Variants in SALL4 observed in about 807,000 individuals in gnomAD.
SALL4 encodes spalt like transcription factor 4, also known as sal-like protein 4.
SALL4 carries 4 observed loss-of-function variants against 60.8 expected under a neutral mutation model. The observed-to-expected ratio is 0.07, with a 90% CI of 0.03 to 0.15. The LOEUF (loss-of-function observed/expected upper bound fraction) is 0.15, where lower values mean the gene tolerates loss of function less well. Ranked by LOEUF, SALL4 falls within the 10% of genes least tolerant of loss-of-function variation. The probability of loss-of-function intolerance (pLI) is 1.00; values close to 1 mark genes in which losing one functional copy is unlikely to be tolerated. For synonymous variants in SALL4, 580 were observed against 574.9 expected, an observed-to-expected ratio of 1.01 and a Z score of -0.13; for missense variants, 1,178 against 1,394.7, an observed-to-expected ratio of 0.84 and a Z score of 2.48.
rs779929335 is a variant in SALL4, at chr20:51,788,930, A to G, written c.2673T>C (p.Thr891=). The G allele has an allele frequency of 2.3e-5, 37 of 1,614,118 alleles. No individual in the cohort carries two copies. In the South Asian group the frequency reaches 4.1e-4, roughly 18 times the overall value. The part of the protein sequence containing the change: ...SASALQIHER[T]HTGEKPFVCN... ...ACACAAAAGGCTTCTCTCCAGTGTGAGTCCGCTCGTGGATCTGAAGAGCGC... is the reference window on the plus strand; with the variant it reads ...ACACAAAAGGCTTCTCTCCAGTGTGGGTCCGCTCGTGGATCTGAAGAGCGC... Residue 891 remains threonine (T), a synonymous_variant, in exon 3 of 4, where the codon ACT becomes ACC. Coordinates refer to ENST00000217086, the MANE Select transcript of SALL4 (RefSeq NM_020436.5). The surrounding 1 kb of genome is among the most constrained non-coding windows in gnomAD (Gnocchi z 4.1).
Position 51,790,046 on chromosome 20 carries a change from C to T in SALL4, c.2437G>A (p.Glu813Lys), listed in dbSNP as rs777197914. Reference protein sequence around the residue: ...PDAGSKAESSENSRTEMEGRS... With the variant: ...PDAGSKAESSKNSRTEMEGRS... ...CCTTCCATCTCAGTGCGGCTGTTCT[C>T]GGAGCTCTCTGCTTTGCTCCCAGCA... Residue 813 changes from glutamate to lysine, a missense_variant, in exon 2 of 4, where the codon GAG becomes AAG. This residue lies in a region of SALL4 where 853 missense variants were observed against 1,036.8 expected (regional missense o/e 0.82). Transcript: ENST00000217086. This position sits in a 1 kb window ranked among gnomAD's most constrained non-coding sequence, Gnocchi z 5.5. The T allele has an allele frequency of 1.1e-5, 17 of 1,614,150 alleles. No homozygotes were observed. Among genetic ancestry groups the T allele is most frequent in the South Asian group, 6.6e-5 (6 of 91,072 alleles).
At position 51,800,360 on chromosome 20, in the gene SALL4, G is replaced by A. The variant is rs560802669; in HGVS notation, c.130+1919C>T. Reference sequence around the variant, plus strand: ...GGGCGCCCGCGCGCAAGCCGGGTGGGCTGTCCGCGACAACCCTGGTGATCA... The same window carrying A: ...GGGCGCCCGCGCGCAAGCCGGGTGGACTGTCCGCGACAACCCTGGTGATCA... On this transcript the variant is annotated intron_variant, in intron 1 of 3. Transcript: ENST00000217086. Among the ~76,000 whole-genome samples, 14 of 152,322 alleles carry A rather than the reference G, an allele frequency of 9.2e-5. No individual in the cohort carries two copies. In the East Asian group the frequency reaches 2.5e-3, roughly 27 times the overall value.
At chr20:51,796,869 A>C (rs2078082697) in intron 1 of SALL4, among the ~76,000 whole-genome samples, 2 of 152,102 alleles carry the variant, frequency 1.3e-5, no homozygotes, top group Non-Finnish European at 2.9e-5. Flanking sequence ...CTAATATCAC[A>C]AACATATTAT....
chr20:51,784,358 G>T lies in SALL4; in HGVS notation c.3069C>A (p.Ile1023=), dbSNP rs376560016. 7 of 1,614,098 alleles carry T rather than the reference G, an allele frequency of 4.3e-6. No individual in the cohort carries two copies. The highest frequency in any genetic ancestry group is 1.3e-5 in the African/African-American group (1 of 74,942). The change falls in exon 4 of 4, where the codon ATC becomes ATA. Residue 1023 remains isoleucine (I), a synonymous_variant. Transcript: ENST00000217086. ...CACTTGGTTTTTCCACATCTGCACT[G>T]ATACCCGACTGGGAGCCATCCATCT... is the stretch of plus-strand genomic sequence containing the variant. ...VSKMDGSQSG[I]SADVEKPSAT...
Position 51,791,459 on chromosome 20 carries a change from C to T in SALL4, c.1024G>A (p.Val342Met). 6.2e-7 allele frequency: 1 copy of T among 1,614,156 alleles called. No individual in the cohort carries two copies. The highest frequency in any genetic ancestry group is 8.5e-7 in the Non-Finnish European group (1 of 1,180,008). The change falls in exon 2 of 4, where the codon GTG (valine) becomes ATG (methionine). Residue 342 changes from valine (V) to methionine (M), a missense_variant. Around this residue, in one of 5 missense-constraint regions of SALL4, gnomAD observed 853 missense variants for 1,036.8 expected, o/e 0.82. Transcript: ENST00000217086. This position sits in a 1 kb window ranked among gnomAD's most constrained non-coding sequence, Gnocchi z 4.6. Reference sequence around the variant, plus strand: ...GTGGAGAAAGGGCTCTGGAAGAGCACCGAGCCCGGGGCCTGAGGAAGCAAA... The same window carrying T: ...GTGGAGAAAGGGCTCTGGAAGAGCATCGAGCCCGGGGCCTGAGGAAGCAAA... ...SALLPQAPGS[V>M]LFQSPFSTVA...
intron 1 of SALL4, among the ~76,000 whole-genome samples, chr20:51,795,224 G>A (rs563919608): frequency 1.3e-4 from 20 of 152,168 alleles, no homozygotes; most frequent in Non-Finnish European, 2.6e-4. Context: ...TGGCTAACAC[G>A]GTGAAACTCC....
intron 1 of SALL4, among the ~76,000 whole-genome samples, chr20:51,799,286 C>G (rs1644486450): frequency 6.6e-6 from 1 of 152,044 alleles, no homozygotes; most frequent in African/African-American, 2.4e-5. Context: ...TCAGAAAAAA[C>G]AAAAAAACAG....
At position 51,802,337 on chromosome 20, in the gene SALL4, C is replaced by T; in HGVS notation, c.72G>A (p.Gln24=). 1 of 1,610,062 alleles carries T rather than the reference C, an allele frequency of 6.2e-7. No individual in the cohort carries two copies. The highest frequency in any genetic ancestry group is 8.5e-7 in the Non-Finnish European group (1 of 1,179,650). The change falls in exon 1 of 4, where the codon CAG becomes CAA. Residue 24 remains glutamine, a synonymous_variant. Transcript: ENST00000217086. ...CATCTGCAAACTCCGGGGTCTGCTG[C>T]TGCGGCTGCTGCTCGCCCTGGTCCT... ...SEEDQGEQQP[Q]QQTPEFADAA...
At position 51,785,933 on chromosome 20, in the gene SALL4, C is replaced by T. The variant is rs577630366; in HGVS notation, c.2743-1249G>A. 1.5e-4 allele frequency among the ~76,000 whole-genome samples: 22 copies of T among 151,710 alleles called. No individual in the cohort carries two copies. In the East Asian group the frequency reaches 2.0e-3, roughly 14 times the overall value. ...CTGGAATTACAGGCGTGAGCCACCA[C>T]GTCCGGCCTTTTTTTTGAGTCTTAA... is the stretch of plus-strand genomic sequence containing the variant. On this transcript the variant is annotated intron_variant, in intron 3 of 3. Transcript: ENST00000217086.
chr20:51,802,181 C>T, intron 1 of SALL4, 98 bp downstream of exon 1: 3 of 1,426,792 alleles, frequency 2.1e-6, no homozygotes, highest in Admixed American at 2.4e-5. Context: ...CCTGAATTTG[C>T]GCTGGACGCC....
Position 51,784,280 on chromosome 20 carries a change from C to A in SALL4, c.3147G>T (p.Lys1049Asn). 1 of 1,614,078 alleles carries A rather than the reference C, an allele frequency of 6.2e-7. No homozygotes were observed. Among genetic ancestry groups the A allele is most frequent in the Non-Finnish European group, 8.5e-7 (1 of 1,180,044 alleles). Residue 1049 changes from lysine to asparagine, a missense_variant, in exon 4 of 4, where the codon AAG becomes AAT. Around this residue, in one of 5 missense-constraint regions of SALL4, gnomAD observed 174 missense variants for 169.6 expected, o/e 1.03. Coordinates refer to ENST00000217086, the MANE Select transcript of SALL4 (RefSeq NM_020436.5). Reference protein sequence around the residue: ...HQFPHFLEENKIAVS With the variant: ...HQFPHFLEENNIAVS ...AAGTTCTCCCTTAGCTGACCGCAATCTTGTTTTCTTCCAGGAAGTGAGGAA... is the reference window on the plus strand; with the variant it reads ...AAGTTCTCCCTTAGCTGACCGCAATATTGTTTTCTTCCAGGAAGTGAGGAA...
At position 51,790,532 on chromosome 20, in the gene SALL4, C is replaced by T. The variant is rs763359245; in HGVS notation, c.1951G>A (p.Gly651Ser). 5 of 1,614,098 alleles carry T rather than the reference C, an allele frequency of 3.1e-6. No homozygotes were observed. The highest frequency in any genetic ancestry group is 4.5e-5 in the East Asian group (2 of 44,874). ...LQQHIRMHMG[G>S]QIPNTPLPEN... ...GGCAGGGGCGTGTTGGGAATCTGAC[C>T]GCCCATGTGCATCCGAATATGTTGC... is the stretch of plus-strand genomic sequence containing the variant. The change falls in exon 2 of 4, where the codon GGT becomes AGT. Residue 651 changes from glycine to serine, a missense_variant. This residue lies in a region of SALL4 where 853 missense variants were observed against 1,036.8 expected (regional missense o/e 0.82). Coordinates refer to ENST00000217086, the MANE Select transcript of SALL4 (RefSeq NM_020436.5). The surrounding 1 kb of genome is among the most constrained non-coding windows in gnomAD (Gnocchi z 5.5).
intron 1 of SALL4, among the ~76,000 whole-genome samples, chr20:51,800,536 AAAC>A (rs1228512526): frequency 6.6e-6 from 1 of 152,208 alleles, no homozygotes; most frequent in East Asian, 1.9e-4. Flanking sequence ...GAAAGGTGCC[AAAC>A]ACCACCAAAA....
In SALL4 at chr20:51,801,923, G is replaced by GC. The variant is rs984610333; in HGVS notation, c.130+355_130+356insG. 8.6e-5 allele frequency among the ~76,000 whole-genome samples: 13 copies of GC among 151,694 alleles called. No individual in the cohort carries two copies. The highest frequency in any genetic ancestry group is 1.5e-4 in the Non-Finnish European group (10 of 67,904). The stretch of plus-strand genomic sequence containing the variant: ...GGGAGGGGGACCTAAGTTACAAGGG[G>GC]GGGGGGTAACACCAGTGAGGGGAGT... On this transcript the variant is annotated intron_variant, in intron 1 of 3. Transcript: ENST00000217086. This position sits in a 1 kb window ranked among gnomAD's most constrained non-coding sequence, Gnocchi z 5.2.
rs1330269507 is a variant in SALL4 at position 51,788,886 on chromosome 20, G to T, written c.2717C>A (p.Ala906Asp). 1 of 1,614,046 alleles carries T rather than the reference G, an allele frequency of 6.2e-7. No individual in the cohort carries two copies. The highest frequency in any genetic ancestry group is 8.5e-7 in the Non-Finnish European group (1 of 1,180,048). ...KPFVCNICGR[A>D]FTTKGNLKVH... ...CTTTAAGTTGCCTTTGGTGGTAAAA[G>T]CTCGCCCACAAATGTTGCACACAAA... The change falls in exon 3 of 4, where the codon GCT (alanine) becomes GAT (aspartate). Residue 906 changes from alanine (A) to aspartate (D), a missense_variant. This residue lies in a region of SALL4 where 37 missense variants were observed against 73.5 expected (regional missense o/e 0.50). Coordinates refer to ENST00000217086, the MANE Select transcript of SALL4 (RefSeq NM_020436.5). This position sits in a 1 kb window ranked among gnomAD's most constrained non-coding sequence, Gnocchi z 4.1.
rs561427172 is a variant in SALL4 at position 51,784,667 on chromosome 20, G to A, written c.2760C>T (p.His920=). ...KGNLKVHYMT[H]GANNNSARRG... ...GGCGGGCTGAGTTATTGTTCGCCCC[G>A]TGTGTCATGTAGTGAACCTATGGGA... is the stretch of plus-strand genomic sequence containing the variant. Residue 920 remains histidine (H), a synonymous_variant, in exon 4 of 4, where the codon CAC becomes CAT. Transcript: ENST00000217086. 30 of 1,614,156 alleles carry A rather than the reference G, an allele frequency of 1.9e-5. No homozygotes were observed. Among genetic ancestry groups the A allele is most frequent in the Middle Eastern group, 1.6e-4 (1 of 6,062 alleles).
At position 51,790,511 on chromosome 20, in the gene SALL4, G is replaced by A. The variant is rs746679088; in HGVS notation, c.1972C>T (p.Leu658=). The change falls in exon 2 of 4, where the codon CTG becomes TTG. Residue 658 remains leucine (L), a synonymous_variant. Transcript: ENST00000217086. This position sits in a 1 kb window ranked among gnomAD's most constrained non-coding sequence, Gnocchi z 5.5. The part of the protein sequence containing the change: ...HMGGQIPNTP[L]PENPCDFTGS... ...GTAAAGTCACAGGGATTCTCTGGCA[G>A]GGGCGTGTTGGGAATCTGACCGCCC... is the stretch of plus-strand genomic sequence containing the variant. 6.2e-7 allele frequency: 1 copy of A among 1,614,146 alleles called. No individual in the cohort carries two copies. Among genetic ancestry groups the A allele is most frequent in the East Asian group, 2.2e-5 (1 of 44,878 alleles).
In SALL4 at chr20:51,792,260, C is replaced by T. The variant is rs780011562; in HGVS notation, c.223G>A (p.Glu75Lys). Residue 75 changes from glutamate to lysine, a missense_variant, in exon 2 of 4, where the codon GAG (glutamate) becomes AAG (lysine). Physicochemically the swap from Glu to Lys is moderately conservative, Grantham distance 56 (BLOSUM62 1). Transcript: ENST00000217086. ...CTGAAGAACTCCGCACAGCATTTCT[C>T]ACAGACGTGCGTCTCCTCCCGACGA... The part of the protein sequence containing the change: ...RLRREETHVC[E>K]KCCAEFFSIS... 1.1e-5 allele frequency: 18 copies of T among 1,613,484 alleles called. No homozygotes were observed. Among genetic ancestry groups the T allele is most frequent in the Middle Eastern group, 1.6e-4 (1 of 6,084 alleles).
Position 51,784,416 on chromosome 20 carries a change from GC to G in SALL4, c.3010del (p.Ala1004ProfsTer5), listed in dbSNP as rs760025285. ...GVPTLPVSLG[A>X]TSVVNNATVS... ...AGTGGCGTTATTCACAACGGAGGTG[GC>G]CCCCAAGGAAACCGGGAGGGTAGGA... On this transcript the variant is annotated frameshift_variant, in exon 4 of 4. Transcript: ENST00000217086. LOFTEE classifies it low-confidence loss of function (END_TRUNC). The G allele has an allele frequency of 3.1e-6, 5 of 1,614,124 alleles. No homozygotes were observed. In the Admixed American group the frequency reaches 8.3e-5, roughly 27 times the overall value.
Sources: gnomAD v4.1 joint callset for allele counts (sites outside exome capture counted in the v4.1 genomes callset) on GRCh38, gnomAD v4.1.1 for gene constraint, gnomAD v4.1.1 regional missense constraint, Gnocchi (gnomAD v3.1) non-coding constraint, MANE v1.5 for transcripts, NCBI Gene and HGNC (gene_info 2026-07-23, HGNC 2026-07-21) for gene names.